Variants in CD28 observed in about 807,000 individuals in gnomAD.
CD28 encodes the protein CD28 molecule, also known as T-cell-specific surface glycoprotein CD28.
Under a neutral mutation model 21.4 loss-of-function variants are expected in CD28, and 8 were observed. That is an observed-to-expected ratio of 0.37 (90% CI 0.22 to 0.68). The LOEUF is 0.68. CD28 is among the 30% of genes least tolerant of loss of function. The pLI is 0.55. For synonymous variants in CD28, 106 were observed against 104.0 expected, an observed-to-expected ratio of 1.02 and a Z score of -0.12; for missense variants, 239 against 272.2, an observed-to-expected ratio of 0.88 and a Z score of 0.86.
At chr2:203,711,742 T>A (rs1215854337) in intron 1 of CD28, among the ~76,000 whole-genome samples, 6 of 152,196 alleles carry the variant, frequency 3.9e-5, no homozygotes, top group Non-Finnish European at 8.8e-5. Context: ...CATGTTAGAC[T>A]TTTCGTGAAA....
At chr2:203,727,020 T>A in intron 2 of CD28, 31 bp downstream of exon 2, 1 of 1,347,546 alleles carries the variant, frequency 7.4e-7, no homozygotes, top group Non-Finnish European at 1.1e-6. Context: ...TGTACCACCC[T>A]AAAGTAATGG....
At chr2:203,730,542 G>A (rs1358267905) in intron 3 of CD28, among the ~76,000 whole-genome samples, 1 of 152,206 alleles carries the variant, frequency 6.6e-6, no homozygotes, top group Non-Finnish European at 1.5e-5. Context: ...GTATGGTACA[G>A]AATGTATTGA....
intron 1 of CD28, among the ~76,000 whole-genome samples, chr2:203,726,093 C>A (rs895184371): frequency 6.6e-6 from 1 of 152,010 alleles, no homozygotes. Flanking sequence ...TACCTGTAAT[C>A]CCAGCTACTT....
chr2:203,710,328 GGCAA>G (rs1330901211), intron 1 of CD28, among the ~76,000 whole-genome samples: 2 of 152,096 alleles, frequency 1.3e-5, no homozygotes, highest in Non-Finnish European at 2.9e-5. Context: ...TGTTTTTTAA[GGCAA>G]CCATCCAGCA....
At chr2:203,712,200 C>A (rs3116484) in intron 1 of CD28, among the ~76,000 whole-genome samples, 24,616 of 150,360 alleles carry the variant, frequency 0.16, 2,098 homozygotes, top group Middle Eastern at 0.2. Flanking sequence ...TCAACAACAA[C>A]AAAAAAAAGA....
At chr2:203,734,644 C>A in intron 3 of CD28, 140 bp from the exon 4 acceptor site, 1 of 962,340 alleles carries the variant, frequency 1.0e-6, no homozygotes. Flanking sequence ...AGTCATTACC[C>A]AAGTCCAAGG....
chr2:203,707,596 G>A, intron 1 of CD28, among the ~76,000 whole-genome samples: 1 of 152,178 alleles, frequency 6.6e-6, no homozygotes, highest in Non-Finnish European at 1.5e-5. Flanking sequence ...AGTTCCCAAT[G>A]ACGATGATGA....
chr2:203,715,708 T>C (rs188933192), intron 1 of CD28, among the ~76,000 whole-genome samples: 3 of 152,316 alleles, frequency 2.0e-5, no homozygotes, highest in African/African-American at 2.4e-5. Context: ...TTCTAACTCC[T>C]TCTGGATCTT....
At chr2:203,706,619 T>C, upstream of CD28, 1 of 1,610,150 alleles carries the variant, frequency 6.2e-7, no homozygotes, top group South Asian at 1.1e-5. Context: ...CCTTGGCAGG[T>C]GCGTCTTTCA....
rs1694059312 is a variant in CD28, at chr2:203,737,154, A to C, written c.*2242A>C. On this transcript the variant is annotated 3_prime_UTR_variant, in exon 4 of 4. Coordinates refer to ENST00000324106, the MANE Select transcript of CD28 (RefSeq NM_006139.4). ...TCTTTTAATTTTTTTTTAATGTGAG[A>C]AGGAAGGGAGGAGTAGGAATCTTGA... The C allele has an allele frequency of 6.6e-6, 1 of 152,030 alleles. No individual in the cohort carries two copies. 9.4% of individuals were successfully genotyped at this position (152,030 alleles called of 1,614,324 possible).
At chr2:203,719,906 G>T (rs1179317772) in intron 1 of CD28, among the ~76,000 whole-genome samples, 3 of 152,126 alleles carry the variant, frequency 2.0e-5, no homozygotes, top group Non-Finnish European at 4.4e-5. Flanking sequence ...CCTTAGAGGT[G>T]GTTACCACCC....
chr2:203,714,905 C>T (rs1693425191), intron 1 of CD28, among the ~76,000 whole-genome samples: 1 of 152,178 alleles, frequency 6.6e-6, no homozygotes, highest in Admixed American at 6.5e-5. Flanking sequence ...TTTGCTATCT[C>T]CTGTTTTCCT....
chr2:203,709,014 T>C (rs971763220), intron 1 of CD28, among the ~76,000 whole-genome samples: 1 of 151,840 alleles, frequency 6.6e-6, no homozygotes. Context: ...CCCAGCTACT[T>C]GTGAGGCTTA....
At chr2:203,707,960 T>C (rs1015135065) in intron 1 of CD28, among the ~76,000 whole-genome samples, 1 of 152,214 alleles carries the variant, frequency 6.6e-6, no homozygotes, top group Non-Finnish European at 1.5e-5. Context: ...CAACGTGTTC[T>C]CAGAGTTAGA....
intron 1 of CD28, among the ~76,000 whole-genome samples, chr2:203,714,878 G>A (rs1693424278): frequency 6.6e-6 from 1 of 152,150 alleles, no homozygotes; most frequent in Non-Finnish European, 1.5e-5. Flanking sequence ...GCTGGACTTT[G>A]AGGGGGCAAT....
chr2:203,728,994 A>G (rs371119103), intron 2 of CD28, among the ~76,000 whole-genome samples: 4 of 152,180 alleles, frequency 2.6e-5, no homozygotes, highest in African/African-American at 9.7e-5. Context: ...TATATTTTCA[A>G]ACTTTCTCGG....
chr2:203,711,997 G>C lies in CD28; in HGVS notation c.52+5249G>C, dbSNP rs1359042599. On this transcript the variant is annotated intron_variant, in intron 1 of 3. Transcript: ENST00000324106. Reference sequence around the variant, plus strand: ...ACCTGAGGTCAGAAGTTTGAGACCAGTCTGGCCAATATGGTGAAACCCCAT... The same window carrying C: ...ACCTGAGGTCAGAAGTTTGAGACCACTCTGGCCAATATGGTGAAACCCCAT... 2.0e-5 allele frequency among the ~76,000 whole-genome samples: 3 copies of C among 152,148 alleles called. No homozygotes were observed. In the East Asian group the frequency reaches 5.8e-4, roughly 29 times the overall value.
In CD28 at chr2:203,709,109, CA is replaced by C. The variant is rs34357514; in HGVS notation, c.52+2376del. 3.7e-3 allele frequency among the ~76,000 whole-genome samples: 515 copies of C among 138,022 alleles called. 4 individuals carry two copies. The highest frequency in any genetic ancestry group is 7.7e-3 in the Middle Eastern group (2 of 260). 90.5% of individuals were successfully genotyped at this position (138,022 alleles called of 152,430 possible). ...TGCACTCCAGCCTGGGAAACAGTCT[CA>C]AAAAAAAAAAAAAATTATGCTGCAT... On this transcript the variant is annotated intron_variant, in intron 1 of 3. Coordinates refer to ENST00000324106, the MANE Select transcript of CD28 (RefSeq NM_006139.4).
chr2:203,720,627 A>C (rs1347243982), intron 1 of CD28, among the ~76,000 whole-genome samples: 1 of 152,218 alleles, frequency 6.6e-6, no homozygotes, highest in African/African-American at 2.4e-5. Context: ...TTACATTTGT[A>C]ATATGTCCTT....
Sources: allele counts gnomAD v4.1 joint callset (sites outside exome capture counted in the v4.1 genomes callset), GRCh38; gene constraint gnomAD v4.1.1; transcripts MANE v1.5; gene names NCBI Gene and HGNC (gene_info 2026-07-23, HGNC 2026-07-21).